The following TP73 variants were observed in gnomAD, a reference collection of about 807,000 sequenced individuals.
TP73 encodes the protein tumor protein p73.
In TP73, 25 loss-of-function variants were observed where a neutral mutation model predicts 62.5. That is an observed-to-expected ratio of 0.40 (90% CI 0.29 to 0.56). The LOEUF (loss-of-function observed/expected upper bound fraction) is 0.56. Ranked by LOEUF, TP73 falls within the 20% of genes least tolerant of loss-of-function variation. The pLI, the probability that TP73 is intolerant of heterozygous loss-of-function variation, is 0.46. For missense variants in TP73, 754 were observed against 913.3 expected, an observed-to-expected ratio of 0.83 and a Z score of 2.25; for synonymous variants, 423 against 377.5, an observed-to-expected ratio of 1.12 and a Z score of -1.40.
At chr1:3,658,009 C>T (rs967641336) in intron 1 of TP73, among the ~76,000 whole-genome samples, 5 of 152,190 alleles carry the variant, frequency 3.3e-5, no homozygotes, top group Non-Finnish European at 7.3e-5. Flanking sequence ...CATCGGTCTG[C>T]GCGGAAGGGT....
chr1:3,690,939 G>A (rs547090762), intron 3 of TP73: 43 of 1,579,080 alleles, frequency 2.7e-5, no homozygotes, highest in Non-Finnish European at 3.4e-5. Flanking sequence ...ACGGCACCTC[G>A]CCACGGTAGG....
intron 3 of TP73, among the ~76,000 whole-genome samples, chr1:3,703,375 G>C (rs536366589): frequency 6.6e-6 from 1 of 152,154 alleles, no homozygotes; most frequent in Non-Finnish European, 1.5e-5. Flanking sequence ...CGACATCGGG[G>C]CCCTGCCTGA....
Position 3,662,458 on chromosome 1 carries a change from G to T in TP73, c.-34+9817G>T, listed in dbSNP as rs1008084508. Among the ~76,000 whole-genome samples, 11 of 152,228 alleles carry T rather than the reference G, an allele frequency of 7.2e-5. No homozygotes were observed. Among genetic ancestry groups the T allele is most frequent in the African/African-American group, 2.7e-4 (11 of 41,450 alleles). On this transcript the variant is annotated intron_variant, in intron 1 of 13. Coordinates refer to ENST00000378295, the MANE Select transcript of TP73 (RefSeq NM_005427.4). The surrounding 1 kb of genome is among the most constrained non-coding windows in gnomAD (Gnocchi z 4.4). Reference sequence around the variant, plus strand: ...GCTGCAGGCTGAACCAGCTATAGCAGGGGAGTTGACTGGTGAATGAAGGTG... The same window carrying T: ...GCTGCAGGCTGAACCAGCTATAGCATGGGAGTTGACTGGTGAATGAAGGTG...
rs547689225 is a variant in TP73 at position 3,714,549 on chromosome 1, C to T, written c.429+6758C>T. On this transcript the variant is annotated intron_variant, in intron 4 of 13. Transcript: ENST00000378295. Reference sequence around the variant, plus strand: ...GCAGGCCTGTTGCCAGCCTGCTGGGCCCCTCGTGGGACAGCTCCAGGGCCT... The same window carrying T: ...GCAGGCCTGTTGCCAGCCTGCTGGGTCCCTCGTGGGACAGCTCCAGGGCCT... 3.9e-5 allele frequency among the ~76,000 whole-genome samples: 6 copies of T among 152,374 alleles called. No individual in the cohort carries two copies. In the East Asian group the frequency reaches 1.2e-3, roughly 29 times the overall value.
At chr1:3,705,042 T>C (rs1486413145) in intron 3 of TP73, among the ~76,000 whole-genome samples, 2 of 152,184 alleles carry the variant, frequency 1.3e-5, no homozygotes, top group Admixed American at 1.3e-4. Context: ...TGTTATATTT[T>C]GTTTCGTTTT....
rs374246626 is a variant in TP73, at chr1:3,699,868, G to C, written c.187-7681G>C. 1.3e-5 allele frequency among the ~76,000 whole-genome samples: 2 copies of C among 152,144 alleles called. No homozygotes were observed. Among genetic ancestry groups the C allele is most frequent in the East Asian group, 1.9e-4 (1 of 5,140 alleles). On this transcript the variant is annotated intron_variant, in intron 3 of 13. Coordinates refer to ENST00000378295, the MANE Select transcript of TP73 (RefSeq NM_005427.4). This position sits in a 1 kb window ranked among gnomAD's most constrained non-coding sequence, Gnocchi z 4.1. ...TTTCACGTGCCTCCCTCTCTGACTC[G>C]GATCCTAAGTGATTAGGATCAGAGG...
In TP73 at chr1:3,728,179, A is replaced by C; in HGVS notation, c.1036A>C (p.Lys346Gln). 6.2e-7 allele frequency: 1 copy of C among 1,612,088 alleles called. No individual in the cohort carries two copies. The highest frequency in any genetic ancestry group is 8.5e-7 in the Non-Finnish European group (1 of 1,179,958). The part of the protein sequence containing the change: ...AVPALGAGVK[K>Q]RRHGDEDTYY... ...CCCCGCCCTTGGTGCCGGTGTGAAG[A>C]AGCGGCGGCATGGAGACGAGGACAC... is the stretch of plus-strand genomic sequence containing the variant. Residue 346 changes from lysine to glutamine, a missense_variant, in exon 9 of 14, where the codon AAG becomes CAG. Around this residue, in one of 3 missense-constraint regions of TP73, gnomAD observed 458 missense variants for 528.7 expected, o/e 0.87. Transcript: ENST00000378295.
chr1:3,697,349 C>T (rs1570492642), intron 3 of TP73, among the ~76,000 whole-genome samples: 1 of 152,246 alleles, frequency 6.6e-6, no homozygotes, highest in Non-Finnish European at 1.5e-5. Context: ...CTCCGTCTCT[C>T]CCTGCACAGG....
intron 12 of TP73, 66 bp downstream of exon 12, chr1:3,731,131 C>G: frequency 6.4e-7 from 1 of 1,565,694 alleles, no homozygotes; most frequent in Non-Finnish European, 8.7e-7. Flanking sequence ...GTCCTTCTGG[C>G]CATGTCAGCT....
At position 3,733,192 on chromosome 1, in the gene TP73, G is replaced by A; in HGVS notation, c.*113G>A. The A allele has an allele frequency of 7.8e-7, 1 of 1,286,006 alleles. No homozygotes were observed. The highest frequency in any genetic ancestry group is 1.0e-6 in the Non-Finnish European group (1 of 957,758). 79.7% of individuals were successfully genotyped at this position (1,286,006 alleles called of 1,614,324 possible). ...AGGCAGGACCTTCGGGCTGTGCCCG[G>A]GGAAAGGCAAGGTCCGGCCCATCCC... On this transcript the variant is annotated 3_prime_UTR_variant, in exon 14 of 14. Coordinates refer to ENST00000378295, the MANE Select transcript of TP73 (RefSeq NM_005427.4).
intron 1 of TP73, among the ~76,000 whole-genome samples, chr1:3,657,539 C>G (rs1644889834): frequency 6.6e-6 from 1 of 152,202 alleles, no homozygotes; most frequent in Admixed American, 6.5e-5. Context: ...GAGGCTGCAT[C>G]CAACCCACTA....
In TP73 at chr1:3,701,793, G is replaced by A. The variant is rs1639192523; in HGVS notation, c.187-5756G>A. Among the ~76,000 whole-genome samples the A allele has an allele frequency of 6.6e-6, 1 of 152,190 alleles. No individual in the cohort carries two copies. Among genetic ancestry groups the A allele is most frequent in the Non-Finnish European group, 1.5e-5 (1 of 68,038 alleles). ...CAAATTGCTGGGATGACAGGCATGA[G>A]CCACCACGCCTGGCCAGTACATGTT... On this transcript the variant is annotated intron_variant, in intron 3 of 13. Coordinates refer to ENST00000378295, the MANE Select transcript of TP73 (RefSeq NM_005427.4). The surrounding 1 kb of genome is among the most constrained non-coding windows in gnomAD (Gnocchi z 4.7).
Position 3,696,324 on chromosome 1 carries a change from G to A in TP73, c.187-11225G>A, listed in dbSNP as rs553411287. ...GCTGCTCCCCAAGGCAGGAAAGGCC[G>A]GCAGGGTCTGGATGTGAGGTGGGTA... On this transcript the variant is annotated intron_variant, in intron 3 of 13. Transcript: ENST00000378295. This position sits in a 1 kb window ranked among gnomAD's most constrained non-coding sequence, Gnocchi z 4.1. Among the ~76,000 whole-genome samples, 7 of 152,074 alleles carry A rather than the reference G, an allele frequency of 4.6e-5. No individual in the cohort carries two copies. Among genetic ancestry groups the A allele is most frequent in the African/African-American group, 9.7e-5 (4 of 41,398 alleles).
chr1:3,707,865 A>G, intron 4 of TP73, 74 bp downstream of exon 4: 1 of 1,540,032 alleles, frequency 6.5e-7, no homozygotes, highest in Non-Finnish European at 8.7e-7. Flanking sequence ...CGTTCCCCGC[A>G]CCTCAAGAGG....
chr1:3,716,602 G>C (rs1333689287), intron 4 of TP73, among the ~76,000 whole-genome samples: 1 of 152,358 alleles, frequency 6.6e-6, no homozygotes, highest in East Asian at 1.9e-4. Context: ...AGCCCAGCCT[G>C]TGCTCCCAGC....
rs1642325271 is a variant in TP73, at chr1:3,734,003, G to A, written c.*924G>A. 6.6e-6 allele frequency: 1 copy of A among 150,540 alleles called. No homozygotes were observed. The highest frequency in any genetic ancestry group is 2.1e-4 in the South Asian group (1 of 4,800). 9.3% of individuals were successfully genotyped at this position (150,540 alleles called of 1,614,324 possible). A position where few individuals can be genotyped will look rare whatever the true frequency, so the allele number is the denominator to read the frequency against. On this transcript the variant is annotated 3_prime_UTR_variant, in exon 14 of 14. Transcript: ENST00000378295. The surrounding 1 kb of genome is among the most constrained non-coding windows in gnomAD (Gnocchi z 4.4). ...GCCCATGAGCCAGGCTGAGGAAGCT[G>A]AGTGAGAAGCCAGGTGGGCGGGACT...
At position 3,730,119 on chromosome 1, in the gene TP73, C is replaced by T. The variant is rs760067757; in HGVS notation, c.1316C>T (p.Ser439Leu). Reference protein sequence around the residue: ...QLVGQPPPHSSAATPNLGPVG... With the variant: ...QLVGQPPPHSLAATPNLGPVG... ...GTGGGCCAGCCTCCCCCGCACAGTTCGGCAGCTACACCCAACCTGGGGCCC... is the reference window on the plus strand; with the variant it reads ...GTGGGCCAGCCTCCCCCGCACAGTTTGGCAGCTACACCCAACCTGGGGCCC... The change falls in exon 11 of 14, where the codon TCG becomes TTG. Residue 439 changes from serine (S) to leucine (L), a missense_variant. This residue lies in a region of TP73 where 458 missense variants were observed against 528.7 expected (regional missense o/e 0.87). Transcript: ENST00000378295. 15 of 1,569,838 alleles carry T rather than the reference C, an allele frequency of 9.6e-6. No homozygotes were observed. The highest frequency in any genetic ancestry group is 9.4e-5 in the East Asian group (4 of 42,478).
At chr1:3,657,624 C>T (rs973646665) in intron 1 of TP73, among the ~76,000 whole-genome samples, 4 of 152,204 alleles carry the variant, frequency 2.6e-5, no homozygotes, top group Admixed American at 6.5e-5. Flanking sequence ...CCGGACAAGG[C>T]GTCTGAGATT....
intron 4 of TP73, among the ~76,000 whole-genome samples, chr1:3,716,764 G>A (rs916516372): frequency 2.0e-5 from 3 of 152,174 alleles, no homozygotes; most frequent in Non-Finnish European, 4.4e-5. Flanking sequence ...TAATCCACAG[G>A]CTGTTGACCC....
Sources: gnomAD v4.1 joint callset for allele counts (sites outside exome capture counted in the v4.1 genomes callset) on GRCh38, gnomAD v4.1.1 for gene constraint, gnomAD v4.1.1 regional missense constraint, Gnocchi (gnomAD v3.1) non-coding constraint, MANE v1.5 for transcripts, NCBI Gene and HGNC (gene_info 2026-07-23, HGNC 2026-07-21) for gene names.